NUP93: variants seen among roughly 807,000 people sequenced by gnomAD.
NUP93 encodes the protein nucleoporin 93.
In NUP93, 55 loss-of-function variants were observed where a neutral mutation model predicts 107.8. That is an observed-to-expected ratio of 0.51 (90% CI 0.41 to 0.64). The LOEUF is 0.64. NUP93 is among the 30% of genes least tolerant of loss of function. The pLI is 0.00. For synonymous variants in NUP93, 390 were observed against 397.5 expected, an observed-to-expected ratio of 0.98 and a Z score of 0.22; for missense variants, 937 against 1,044.7, an observed-to-expected ratio of 0.90 and a Z score of 1.42.
intron 3 of NUP93, chr16:56,783,828 G>C (rs1201298822): frequency 1.0e-6 from 1 of 985,340 alleles, no homozygotes; most frequent in South Asian, 4.7e-5. Context: ...TCTTTAGGAA[G>C]GTGGAGAATA....
intron 3 of NUP93, among the ~76,000 whole-genome samples, chr16:56,762,889 T>G (rs1962151149): frequency 6.6e-6 from 1 of 152,164 alleles, no homozygotes; most frequent in African/African-American, 2.4e-5. Flanking sequence ...GGTTCTTCCT[T>G]GTGTGTGTCA....
rs1963980401 is a variant in NUP93, at chr16:56,839,546, C to T, written c.2162C>T (p.Pro721Leu). The change falls in exon 20 of 22, where the codon CCC becomes CTC. Residue 721 changes from proline to leucine, a missense_variant. Coordinates refer to ENST00000308159, the MANE Select transcript of NUP93 (RefSeq NM_014669.5). ...FDIIERLKLV[P>L]LNQESVEERV... ...ATCATTGAGCGCTTGAAGCTGGTGC[C>T]CCTGAATCAGGAAAGTGTGGAAGAG... is the stretch of plus-strand genomic sequence containing the variant. The T allele has an allele frequency of 6.2e-7, 1 of 1,613,212 alleles. No individual in the cohort carries two copies. Among genetic ancestry groups the T allele is most frequent in the Non-Finnish European group, 8.5e-7 (1 of 1,179,704 alleles).
rs1409327982 is a variant in NUP93 at position 56,849,496 on chromosome 16, CAG to C, written c.*4888_*4889del. 3 of 152,190 alleles carry C rather than the reference CAG, an allele frequency of 2.0e-5. No individual in the cohort carries two copies. Among genetic ancestry groups the C allele is most frequent in the African/African-American group, 7.2e-5 (3 of 41,436 alleles). The allele number at this position is 152,190 out of a possible 1,614,324, so 9.4% of individuals were successfully genotyped here. On this transcript the variant is annotated 3_prime_UTR_variant, in exon 22 of 22. Transcript: ENST00000308159. ...TCTGTTTGAACAGGAAGTGGGGAGT[CAG>C]TGATCCCAGAGGGGACTTCAGCATC...
chr16:56,830,215 T>G (rs1025806672), intron 9 of NUP93, among the ~76,000 whole-genome samples: 1 of 152,206 alleles, frequency 6.6e-6, no homozygotes, highest in African/African-American at 2.4e-5. Flanking sequence ...CCAGTTACTA[T>G]GGGCCCCTGG....
Position 56,849,423 on chromosome 16 carries a change from A to T in NUP93, c.*4814A>T, listed in dbSNP as rs1964151964. ...TGGCTGCCTTTGCCCTTGAGCTTCT[A>T]TTTCTTGGGGATGGGGAGGGCAAAA... On this transcript the variant is annotated 3_prime_UTR_variant, in exon 22 of 22. Transcript: ENST00000308159. 1 of 152,168 alleles carries T rather than the reference A, an allele frequency of 6.6e-6. No individual in the cohort carries two copies. The highest frequency in any genetic ancestry group is 6.5e-5 in the Admixed American group (1 of 15,272). The allele number at this position is 152,168 out of a possible 1,614,324, so 9.4% of individuals were successfully genotyped here.
At chr16:56,843,697 A>G (rs1057054210) in intron 21 of NUP93, among the ~76,000 whole-genome samples, 2 of 152,242 alleles carry the variant, frequency 1.3e-5, no homozygotes, top group African/African-American at 4.8e-5. Flanking sequence ...TTGGACATCA[A>G]TAAGGACATA....
At chr16:56,770,829 C>T (rs767427997) in intron 3 of NUP93, among the ~76,000 whole-genome samples, 11 of 151,638 alleles carry the variant, frequency 7.3e-5, no homozygotes, top group East Asian at 1.9e-4. Context: ...TTTGGGAGGC[C>T]GAGGCTGGTG....
intron 2 of NUP93, among the ~76,000 whole-genome samples, chr16:56,750,035 G>T (rs183798759): frequency 6.6e-6 from 1 of 152,364 alleles, no homozygotes; most frequent in African/African-American, 2.4e-5. Context: ...CTGCTGGAGC[G>T]AAAGGCCCAT....
intron 16 of NUP93, among the ~76,000 whole-genome samples, chr16:56,836,022 G>A (rs1234149654): frequency 1.3e-5 from 2 of 151,716 alleles, no homozygotes; most frequent in Non-Finnish European, 2.9e-5. Context: ...CCAGGTGCTC[G>A]GGAGGCTGAG....
intron 3 of NUP93, among the ~76,000 whole-genome samples, chr16:56,785,555 C>G (rs892580298): frequency 6.6e-6 from 1 of 152,166 alleles, no homozygotes; most frequent in African/African-American, 2.4e-5. Flanking sequence ...AAACCTTTTA[C>G]TGCTCTGACA....
At chr16:56,783,493 T>A (rs1327840094) in intron 3 of NUP93, 1 of 985,324 alleles carries the variant, frequency 1.0e-6, no homozygotes, top group East Asian at 1.1e-4. Flanking sequence ...GACAATGAGA[T>A]GTGGTTTGCA....
chr16:56,796,992 A>C (rs1239882475), intron 3 of NUP93, among the ~76,000 whole-genome samples: 1 of 149,332 alleles, frequency 6.7e-6, no homozygotes, highest in African/African-American at 2.5e-5. Context: ...CAAAAACACG[A>C]GGCTGGGTGC....
rs1427011894 is a variant in NUP93, at chr16:56,765,810, TG to T, written c.297+7156del. Among the ~76,000 whole-genome samples the T allele has an allele frequency of 3.3e-5, 5 of 152,234 alleles. No individual in the cohort carries two copies. The East Asian group carries it at 5.8e-4, about 18-fold the overall frequency. ...ATGTCTTCACAGAGGCAGGCTAATGTGCCATCCTGTTTCATGTTTATAATTA... is the reference window on the plus strand; with the variant it reads ...ATGTCTTCACAGAGGCAGGCTAATGTCCATCCTGTTTCATGTTTATAATTA... On this transcript the variant is annotated intron_variant, in intron 3 of 21. Transcript: ENST00000308159.
intron 8 of NUP93, 109 bp downstream of exon 8, chr16:56,823,955 A>G: frequency 7.4e-7 from 1 of 1,343,020 alleles, no homozygotes; most frequent in Non-Finnish European, 1.0e-6. Flanking sequence ...ATAATTTAAG[A>G]TTTATTATGT....
intron 5 of NUP93, among the ~76,000 whole-genome samples, chr16:56,818,335 G>A (rs1359033612): frequency 6.6e-6 from 1 of 152,192 alleles, no homozygotes; most frequent in African/African-American, 2.4e-5. Context: ...TGGGAAGGGA[G>A]GATGAGGTAG....
chr16:56,848,080 A>G lies in NUP93; in HGVS notation c.*3471A>G, dbSNP rs1243435375. 6.6e-6 allele frequency: 1 copy of G among 152,214 alleles called. No individual in the cohort carries two copies. Among genetic ancestry groups the G allele is most frequent in the Non-Finnish European group, 1.5e-5 (1 of 68,038 alleles). The allele number at this position is 152,214 out of a possible 1,614,324, so 9.4% of individuals were successfully genotyped here. A position where few individuals can be genotyped will look rare whatever the true frequency, so the allele number is the denominator to read the frequency against. ...AGCTCTGCCAACGCCTTCCTGCTTT[A>G]GACTGGATCTCTACTATCCTTTTTC... is the stretch of plus-strand genomic sequence containing the variant. On this transcript the variant is annotated 3_prime_UTR_variant, in exon 22 of 22. Transcript: ENST00000308159.
At chr16:56,790,444 C>T (rs1349147044) in intron 3 of NUP93, among the ~76,000 whole-genome samples, 1 of 152,128 alleles carries the variant, frequency 6.6e-6, no homozygotes, top group Non-Finnish European at 1.5e-5. Flanking sequence ...CGTGTAGGCA[C>T]CACAAAAGGG....
At chr16:56,804,860 C>A (rs1040574435) in intron 4 of NUP93, among the ~76,000 whole-genome samples, 3 of 149,528 alleles carry the variant, frequency 2.0e-5, no homozygotes, top group Admixed American at 6.7e-5. Context: ...GAGCCGAGAT[C>A]GTGCCACTGC....
intron 5 of NUP93, among the ~76,000 whole-genome samples, chr16:56,807,003 G>T (rs1963156579): frequency 1.3e-5 from 2 of 152,138 alleles, no homozygotes; most frequent in African/African-American, 2.4e-5. Flanking sequence ...TCACTTCTCT[G>T]CTCAGAACCC....
Sources: allele counts gnomAD v4.1 joint callset (sites outside exome capture counted in the v4.1 genomes callset), GRCh38; gene constraint gnomAD v4.1.1; transcripts MANE v1.5; gene names NCBI Gene and HGNC (gene_info 2026-07-23, HGNC 2026-07-21).